Variants in PTPN4 observed in about 807,000 individuals in gnomAD.
PTPN4 encodes tyrosine-protein phosphatase non-receptor type 4.
In PTPN4, 49 loss-of-function variants were observed where a neutral mutation model predicts 135.5. The ratio of observed to expected loss-of-function variants is 0.36; its 90% CI spans 0.29 to 0.46. The LOEUF is 0.46. PTPN4 is among the 20% of genes least tolerant of loss of function. PTPN4 has a pLI of 1.00. For synonymous variants in PTPN4, 333 were observed against 369.9 expected, an observed-to-expected ratio of 0.90 and a Z score of 1.14; for missense variants, 860 against 1,101.0, an observed-to-expected ratio of 0.78 and a Z score of 3.10.
At chr2:119,946,252 T>C (rs1249474030) in intron 16 of PTPN4, 89 bp from the exon 17 acceptor site, 12 of 990,468 alleles carry the variant, frequency 1.2e-5, no homozygotes, top group Non-Finnish European at 1.8e-5. Flanking sequence ...ATGCATAATA[T>C]AAGCATACAA....
At chr2:119,771,023 G>A (rs1203584005) in intron 1 of PTPN4, among the ~76,000 whole-genome samples, 1 of 152,052 alleles carries the variant, frequency 6.6e-6, no homozygotes, top group African/African-American at 2.4e-5. Flanking sequence ...GGGACTACAG[G>A]CTTTTAAAAA....
In PTPN4 at chr2:119,823,112, A is replaced by G. The variant is rs564249372; in HGVS notation, c.138+13121A>G. On this transcript the variant is annotated intron_variant, in intron 2 of 26. Coordinates refer to ENST00000263708, the MANE Select transcript of PTPN4 (RefSeq NM_002830.4). ...TCAGTGATTATTATCTAGTTAAGAA[A>G]TTCATCAGTTTATCAAGGCTCATTT... Among the ~76,000 whole-genome samples the G allele has an allele frequency of 2.6e-5, 4 of 152,304 alleles. No homozygotes were observed. In the South Asian group the frequency reaches 8.3e-4, roughly 32 times the overall value.
chr2:119,793,198 G>T (rs1691182082), intron 1 of PTPN4, among the ~76,000 whole-genome samples: 1 of 152,130 alleles, frequency 6.6e-6, no homozygotes, highest in South Asian at 2.1e-4. Flanking sequence ...CTCCCAGAGC[G>T]GCCATTTTAG....
intron 2 of PTPN4, among the ~76,000 whole-genome samples, chr2:119,834,332 T>A (rs574193710): frequency 1.3e-5 from 2 of 152,256 alleles, no homozygotes; most frequent in Non-Finnish European, 2.9e-5. Context: ...GCTTACTTTT[T>A]AAGAAACCTG....
chr2:119,860,148 A>G (rs1337443082), intron 2 of PTPN4, among the ~76,000 whole-genome samples: 1 of 152,212 alleles, frequency 6.6e-6, no homozygotes, highest in African/African-American at 2.4e-5. Context: ...TTTAAAAAAG[A>G]TTAATGCTTG....
At chr2:119,851,855 C>T (rs1035128538) in intron 2 of PTPN4, among the ~76,000 whole-genome samples, 8 of 152,224 alleles carry the variant, frequency 5.3e-5, no homozygotes, top group Non-Finnish European at 7.3e-5. Context: ...GGAACCATCA[C>T]CTGATCACCT....
chr2:119,957,370 G>T (rs1479988341), intron 22 of PTPN4, among the ~76,000 whole-genome samples: 1 of 152,128 alleles, frequency 6.6e-6, no homozygotes, highest in African/African-American at 2.4e-5. Context: ...TGGGTGGTTG[G>T]GTCAACTGTC....
intron 15 of PTPN4, among the ~76,000 whole-genome samples, chr2:119,941,115 A>T (rs1023209570): frequency 1.3e-5 from 2 of 152,108 alleles, no homozygotes; most frequent in South Asian, 4.2e-4. Flanking sequence ...GTGTGTGTGC[A>T]CTTAGAAATA....
intron 2 of PTPN4, among the ~76,000 whole-genome samples, chr2:119,844,344 G>T: frequency 2.5e-5 from 1 of 40,566 alleles, no homozygotes; most frequent in East Asian, 5.9e-4. Flanking sequence ...CCGGGCGGGG[G>T]GCTGACCCCC....
intron 9 of PTPN4, among the ~76,000 whole-genome samples, chr2:119,887,856 CTTTT>C (rs1678181965): frequency 1.3e-5 from 2 of 151,996 alleles, no homozygotes; most frequent in African/African-American, 4.8e-5. Flanking sequence ...TATTTGAGCT[CTTTT>C]TTGTTTCTAT....
intron 1 of PTPN4, among the ~76,000 whole-genome samples, chr2:119,766,223 G>T (rs372273773): frequency 1.4e-3 from 219 of 152,128 alleles, no homozygotes; most frequent in African/African-American, 4.7e-3. Flanking sequence ...TTGCCAAGTT[G>T]GGAAAAGGAT....
chr2:119,775,011 C>CA lies in PTPN4; in HGVS notation c.-18+14627_-18+14628insA, dbSNP rs775515039. ...CAGCCTGAGCAACACAGCGAGACTGCTAAAAAAAAAATAAAAAGAAAATCA... is the reference window on the plus strand; with the variant it reads ...CAGCCTGAGCAACACAGCGAGACTGCATAAAAAAAAAATAAAAAGAAAATCA... On this transcript the variant is annotated intron_variant, in intron 1 of 26. Transcript: ENST00000263708. Among the ~76,000 whole-genome samples, 245 of 125,164 alleles carry CA rather than the reference C, an allele frequency of 2.0e-3. 2 individuals carry two copies. The highest frequency in any genetic ancestry group is 6.8e-3 in the Admixed American group (75 of 10,992). The allele number at this position is 125,164 out of a possible 152,430, so 82.1% of individuals were successfully genotyped here.
intron 13 of PTPN4, 145 bp from the exon 14 acceptor site, chr2:119,932,279 C>T (rs1678918110): frequency 2.8e-6 from 2 of 715,118 alleles, no homozygotes; most frequent in Non-Finnish European, 2.2e-6. Flanking sequence ...TGGTAAATAG[C>T]CTCTAAATGC....
rs1037525169 is a variant in PTPN4, at chr2:119,926,540, T to C, written c.1002-58T>C. On this transcript the variant is annotated intron_variant, in intron 12 of 26. Coordinates refer to ENST00000263708, the MANE Select transcript of PTPN4 (RefSeq NM_002830.4). ...TACACTATAATCATGTTATGTGTTG[T>C]CATTTTATCTTATAGTTCTCTTAAG... 4 of 1,214,268 alleles carry C rather than the reference T, an allele frequency of 3.3e-6. No homozygotes were observed. The African/African-American group carries it at 6.1e-5, about 18-fold the overall frequency. 75.2% of individuals were successfully genotyped at this position (1,214,268 alleles called of 1,614,324 possible). A position where few individuals can be genotyped will look rare whatever the true frequency, so the allele number is the denominator to read the frequency against.
chr2:119,955,748 C>T (rs968156513), intron 20 of PTPN4, among the ~76,000 whole-genome samples: 17 of 151,972 alleles, frequency 1.1e-4, no homozygotes, highest in East Asian at 1.9e-4. Context: ...CAATCCTGGC[C>T]AACACGGTGA....
At chr2:119,925,942 A>G (rs1279215356) in intron 12 of PTPN4, among the ~76,000 whole-genome samples, 2 of 152,194 alleles carry the variant, frequency 1.3e-5, no homozygotes, top group African/African-American at 4.8e-5. Flanking sequence ...GAAGTTTAAA[A>G]GTCATGGTAG....
At chr2:119,818,477 T>C (rs1677021123) in intron 2 of PTPN4, among the ~76,000 whole-genome samples, 1 of 152,248 alleles carries the variant, frequency 6.6e-6, no homozygotes. Flanking sequence ...GTTTTTGCTA[T>C]GTTGCCCAGG....
intron 1 of PTPN4, among the ~76,000 whole-genome samples, chr2:119,775,065 GT>G (rs1399922863): frequency 5.5e-5 from 7 of 128,358 alleles, no homozygotes; most frequent in African/African-American, 2.1e-4. Flanking sequence ...TGCCTAACAG[GT>G]TTTTAATGCA....
At chr2:119,824,283 G>T (rs555291117) in intron 2 of PTPN4, among the ~76,000 whole-genome samples, 2 of 152,206 alleles carry the variant, frequency 1.3e-5, no homozygotes, top group South Asian at 4.1e-4. Flanking sequence ...CTCTTTTTGG[G>T]GGGGAGGCAG....
Sources: allele counts gnomAD v4.1 joint callset (sites outside exome capture counted in the v4.1 genomes callset), GRCh38; gene constraint gnomAD v4.1.1; transcripts MANE v1.5; gene names NCBI Gene and HGNC (gene_info 2026-07-23, HGNC 2026-07-21).